Variants in RPS6KC1 observed in about 807,000 individuals in gnomAD.
RPS6KC1 encodes the protein inactive ribosomal protein S6 kinase delta-1.
RPS6KC1 carries 54 observed loss-of-function variants against 103.8 expected under a neutral mutation model. The ratio of observed to expected loss-of-function variants is 0.52; its 90% CI spans 0.42 to 0.65. The LOEUF is 0.65. Among genes scored for constraint, RPS6KC1 ranks in the 30% least tolerant of loss-of-function variants. The pLI is 0.00. For synonymous variants in RPS6KC1, 439 were observed against 438.7 expected, an observed-to-expected ratio of 1.00 and a Z score of -0.01; for missense variants, 1,151 against 1,253.8, an observed-to-expected ratio of 0.92 and a Z score of 1.24.
At chr1:213,801,667 T>C in the RPS6KC1 span, among the ~76,000 whole-genome samples, 1 of 152,182 alleles carries the variant, frequency 6.6e-6, no homozygotes. Context: ...ACAGTTCTCC[T>C]AGAAGAAACT....
the RPS6KC1 span, among the ~76,000 whole-genome samples, chr1:213,774,902 C>G: frequency 6.6e-6 from 1 of 152,188 alleles, no homozygotes; most frequent in Non-Finnish European, 1.5e-5. Flanking sequence ...GTGGGAGATG[C>G]CGTGGCAACT....
intron 12 of RPS6KC1, among the ~76,000 whole-genome samples, chr1:213,246,646 A>G (rs987548398): frequency 1.2e-4 from 18 of 152,304 alleles, no homozygotes; most frequent in African/African-American, 3.8e-4. Context: ...ATAGTGTTTT[A>G]AGTATAAAGG....
chr1:213,115,039 C>T (rs1281206014), intron 4 of RPS6KC1, among the ~76,000 whole-genome samples: 2 of 152,168 alleles, frequency 1.3e-5, no homozygotes, highest in Non-Finnish European at 2.9e-5. Context: ...CTCTGCCCAG[C>T]TTTGGTATCA....
At chr1:213,134,686 C>T (rs1038941890) in intron 6 of RPS6KC1, among the ~76,000 whole-genome samples, 4 of 151,972 alleles carry the variant, frequency 2.6e-5, no homozygotes, top group African/African-American at 4.8e-5. Context: ...ATAAGAGTTA[C>T]TCAAATATTT....
the RPS6KC1 span, among the ~76,000 whole-genome samples, chr1:213,331,447 A>G: frequency 6.6e-6 from 1 of 152,246 alleles, no homozygotes. Context: ...AGTTCTGACG[A>G]GTCAACGGTT....
chr1:213,075,389 C>G (rs1434102677), intron 2 of RPS6KC1, among the ~76,000 whole-genome samples: 1 of 151,924 alleles, frequency 6.6e-6, no homozygotes, highest in African/African-American at 2.4e-5. Context: ...ATTTTTTGTT[C>G]CCATCATTTC....
the RPS6KC1 span, among the ~76,000 whole-genome samples, chr1:213,290,530 C>CTCCACATTGATT: frequency 0.98 from 149,728 of 152,234 alleles, 73,688 homozygotes; most frequent in East Asian, 1. Context: ...CTGCTTCTGA[C>CTCCACATTGATT]TCCAGCCCTT....
chr1:213,515,049 A>G, the RPS6KC1 span, among the ~76,000 whole-genome samples: 6 of 152,126 alleles, frequency 3.9e-5, no homozygotes, highest in African/African-American at 1.4e-4. Context: ...ATCTCTTCAT[A>G]TCCTTTGCCC....
chr1:213,283,134 C>G, the RPS6KC1 span, among the ~76,000 whole-genome samples: 1 of 152,178 alleles, frequency 6.6e-6, no homozygotes, highest in Non-Finnish European at 1.5e-5. Context: ...AACCTCTACT[C>G]GCTCCGTACA....
chr1:213,399,474 C>T, the RPS6KC1 span, among the ~76,000 whole-genome samples: 1 of 152,142 alleles, frequency 6.6e-6, no homozygotes, highest in African/African-American at 2.4e-5. Context: ...TTACCTACCA[C>T]GGATGGATTC....
chr1:213,810,832 A>G, the RPS6KC1 span, among the ~76,000 whole-genome samples: 1 of 152,154 alleles, frequency 6.6e-6, no homozygotes. Context: ...CTCATTTTAC[A>G]GATAAGAAAA....
intron 8 of RPS6KC1, among the ~76,000 whole-genome samples, chr1:213,217,772 C>T (rs1235326078): frequency 2.0e-5 from 3 of 152,106 alleles, no homozygotes; most frequent in Non-Finnish European, 2.9e-5. Context: ...TGACAAAAAC[C>T]ACATGATTAC....
the RPS6KC1 span, among the ~76,000 whole-genome samples, chr1:213,432,513 C>T: frequency 6.6e-6 from 1 of 152,032 alleles, no homozygotes; most frequent in Admixed American, 6.6e-5. Flanking sequence ...TTAAAGTGTA[C>T]AGTTGGATGT....
the RPS6KC1 span, among the ~76,000 whole-genome samples, chr1:213,383,174 G>A: frequency 2.9e-4 from 44 of 150,526 alleles, no homozygotes; most frequent in East Asian, 2.9e-3. Flanking sequence ...GTGACCCTCC[G>A]CTACACTGAA....
the RPS6KC1 span, among the ~76,000 whole-genome samples, chr1:213,724,311 C>A: frequency 6.6e-6 from 1 of 152,208 alleles, no homozygotes; most frequent in African/African-American, 2.4e-5. Flanking sequence ...AACTCCTGAC[C>A]TCAGGTGATC....
At chr1:213,680,988 C>A in the RPS6KC1 span, among the ~76,000 whole-genome samples, 1 of 152,130 alleles carries the variant, frequency 6.6e-6, no homozygotes, top group Non-Finnish European at 1.5e-5. Context: ...GCGGTGAGGC[C>A]CTTTTTGTCA....
chr1:213,748,186 G>T, the RPS6KC1 span, among the ~76,000 whole-genome samples: 5 of 152,082 alleles, frequency 3.3e-5, 1 homozygote, highest in Admixed American at 2.0e-4. Flanking sequence ...AGCCTCCCCT[G>T]CACTTCTTCC....
At chr1:213,226,234 A>C (rs2148824151) in intron 8 of RPS6KC1, among the ~76,000 whole-genome samples, 1 of 152,024 alleles carries the variant, frequency 6.6e-6, no homozygotes, top group African/African-American at 2.4e-5. Flanking sequence ...AAAAAAAAAA[A>C]AAAGTCACAC....
the RPS6KC1 span, among the ~76,000 whole-genome samples, chr1:213,506,433 A>G: frequency 6.6e-6 from 1 of 152,246 alleles, no homozygotes; most frequent in Non-Finnish European, 1.5e-5. Flanking sequence ...CTCACTAAGT[A>G]TCAGACTGTA....
Sources: gnomAD v4.1 joint callset for allele counts (sites outside exome capture counted in the v4.1 genomes callset) on GRCh38, gnomAD v4.1.1 for gene constraint, MANE v1.5 for transcripts, NCBI Gene and HGNC (gene_info 2026-07-23, HGNC 2026-07-21) for gene names.